Variants in CDYL2 observed in about 807,000 individuals in gnomAD.
The protein encoded by CDYL2 is chromodomain Y like 2, also known as chromodomain Y-like protein 2.
Under a neutral mutation model 49.4 loss-of-function variants are expected in CDYL2, and 23 were observed. The observed-to-expected ratio is 0.47, with a 90% confidence interval of 0.34 to 0.66. The LOEUF (loss-of-function observed/expected upper bound fraction) is 0.66. Among genes scored for constraint, CDYL2 ranks in the 30% least tolerant of loss-of-function variants. The pLI is 0.01. For synonymous variants in CDYL2, 360 were observed against 268.8 expected (o/e 1.34, Z -3.32); for missense variants, 678 against 656.4 (o/e 1.03, Z -0.36).
In CDYL2 at chr16:80,604,428, G is replaced by C. The variant is rs373690013; in HGVS notation, c.1481C>G (p.Ser494Cys). 3 of 1,614,240 alleles carry C rather than the reference G, an allele frequency of 1.9e-6. No individual in the cohort carries two copies. The highest frequency in any genetic ancestry group is 2.5e-6 in the Non-Finnish European group (3 of 1,180,054). ...QLWSSSKGLD[S>C]LFSYLQDKIY... ...TTTGTCCTGCAGGTAGCTGAAAAGG[G>C]AGTCAAGGCCTTTGGAGGAGCTCCA... Residue 494 changes from serine (S) to cysteine (C), a missense_variant, in exon 7 of 7, where the codon TCC becomes TGC. Ser to Cys is a moderately radical substitution (Grantham distance 112, BLOSUM62 -1). Transcript: ENST00000570137.
chr16:80,765,748 A>AAAAGGGAAT (rs1449016431), intron 1 of CDYL2, among the ~76,000 whole-genome samples: 1 of 149,756 alleles, frequency 6.7e-6, no homozygotes, highest in Admixed American at 6.6e-5. Flanking sequence ...AAAAAAAAAA[A>AAAAGGGAAT]AAAGGGAATG....
intron 1 of CDYL2, among the ~76,000 whole-genome samples, chr16:80,725,461 G>C (rs2142531407): frequency 6.6e-6 from 1 of 152,330 alleles, no homozygotes. Flanking sequence ...TATCTGTCCT[G>C]TTCACTGCTG....
chr16:80,729,990 G>A (rs1244934554), intron 1 of CDYL2, among the ~76,000 whole-genome samples: 1 of 152,036 alleles, frequency 6.6e-6, no homozygotes, highest in Non-Finnish European at 1.5e-5. Context: ...ATGCCCACAA[G>A]AGAAAGCAGG....
At chr16:80,608,302 G>C in intron 5 of CDYL2, 67 bp from the exon 6 acceptor site, 2 of 1,453,116 alleles carry the variant, frequency 1.4e-6, no homozygotes, top group African/African-American at 1.4e-5. Flanking sequence ...AGCTGGTCCA[G>C]GGCTTGCCAC....
In CDYL2 at chr16:80,678,772, A is replaced by C. The variant is rs973117136; in HGVS notation, c.616+5766T>G. Among the ~76,000 whole-genome samples the C allele has an allele frequency of 2.3e-4, 35 of 151,294 alleles. 1 individual carries two copies. Among genetic ancestry groups the C allele is most frequent in the African/African-American group, 8.3e-4 (34 of 40,858 alleles). ...CCATCCCATTACTGGGTATATACCCAAAGGACTATAAATCATGCTGCTATA... is the reference window on the plus strand; with the variant it reads ...CCATCCCATTACTGGGTATATACCCCAAGGACTATAAATCATGCTGCTATA... On this transcript the variant is annotated intron_variant, in intron 2 of 6. Coordinates refer to ENST00000570137, the MANE Select transcript of CDYL2 (RefSeq NM_152342.4).
At chr16:80,730,821 A>C (rs1047842481) in intron 1 of CDYL2, among the ~76,000 whole-genome samples, 5 of 152,242 alleles carry the variant, frequency 3.3e-5, no homozygotes, top group Admixed American at 2.0e-4. Context: ...GATGAATCTC[A>C]GAGTAATTAT....
At chr16:80,764,991 C>A (rs572030548) in intron 1 of CDYL2, among the ~76,000 whole-genome samples, 12 of 142,446 alleles carry the variant, frequency 8.4e-5, no homozygotes, top group Non-Finnish European at 1.8e-4. Flanking sequence ...ACCTGGGAGG[C>A]GGAGCTTGCA....
chr16:80,669,614 G>A (rs1909414524), intron 2 of CDYL2, among the ~76,000 whole-genome samples: 1 of 152,300 alleles, frequency 6.6e-6, no homozygotes, highest in South Asian at 2.1e-4. Flanking sequence ...TTGGGAGCTA[G>A]GACATCGAGA....
chr16:80,755,309 T>C (rs568171147), intron 1 of CDYL2, among the ~76,000 whole-genome samples: 1 of 152,274 alleles, frequency 6.6e-6, no homozygotes, highest in East Asian at 1.9e-4. Flanking sequence ...CTTGAATCCA[T>C]GTAAGGTGAA....
intron 1 of CDYL2, among the ~76,000 whole-genome samples, chr16:80,693,388 C>A (rs1366037971): frequency 6.6e-6 from 1 of 151,706 alleles, no homozygotes; most frequent in Admixed American, 6.6e-5. Flanking sequence ...GTCTATATTG[C>A]AAAAGAAATT....
chr16:80,663,963 T>C (rs1909154455), intron 2 of CDYL2, among the ~76,000 whole-genome samples: 1 of 152,136 alleles, frequency 6.6e-6, no homozygotes, highest in Admixed American at 6.6e-5. Flanking sequence ...AAAAGGAACT[T>C]TTTCTACAAA....
Position 80,699,699 on chromosome 16 carries a change from G to A in CDYL2, c.25-14570C>T, listed in dbSNP as rs146554663. Among the ~76,000 whole-genome samples, 168 of 152,250 alleles carry A rather than the reference G, an allele frequency of 1.1e-3. 1 individual carries two copies. The highest frequency in any genetic ancestry group is 3.5e-3 in the African/African-American group (147 of 41,552). ...TTCTCAACACAAAGAAATGACAAAT[G>A]TTTGAAGGGATGGATATGCTAATTA... On this transcript the variant is annotated intron_variant, in intron 1 of 6. Coordinates refer to ENST00000570137, the MANE Select transcript of CDYL2 (RefSeq NM_152342.4).
At position 80,673,479 on chromosome 16, in the gene CDYL2, C is replaced by T. The variant is rs567471954; in HGVS notation, c.616+11059G>A. On this transcript the variant is annotated intron_variant, in intron 2 of 6. Coordinates refer to ENST00000570137, the MANE Select transcript of CDYL2 (RefSeq NM_152342.4). ...AATAATCTACTTGATGTGGCTTTTGCTATTTCTTCTAGCATTGAAATAAGC... is the reference window on the plus strand; with the variant it reads ...AATAATCTACTTGATGTGGCTTTTGTTATTTCTTCTAGCATTGAAATAAGC... 9.1e-4 allele frequency among the ~76,000 whole-genome samples: 139 copies of T among 152,262 alleles called. 1 individual carries two copies. The highest frequency in any genetic ancestry group is 2.9e-3 in the African/African-American group (120 of 41,552).
chr16:80,767,098 C>T (rs1395802745), intron 1 of CDYL2, among the ~76,000 whole-genome samples: 1 of 152,142 alleles, frequency 6.6e-6, no homozygotes, highest in Non-Finnish European at 1.5e-5. Flanking sequence ...CATACACACA[C>T]ACACACCACA....
At chr16:80,652,289 T>G (rs957542362) in intron 2 of CDYL2, among the ~76,000 whole-genome samples, 3 of 152,104 alleles carry the variant, frequency 2.0e-5, no homozygotes, top group African/African-American at 7.2e-5. Context: ...AAAAAAAATC[T>G]GCTGCAATGA....
intron 1 of CDYL2, among the ~76,000 whole-genome samples, chr16:80,792,743 T>C (rs1404084459): frequency 3.9e-5 from 6 of 152,150 alleles, no homozygotes; most frequent in African/African-American, 1.4e-4. Flanking sequence ...AGGGTCGATG[T>C]GCCCATCCCC....
intron 1 of CDYL2, among the ~76,000 whole-genome samples, chr16:80,726,390 A>G (rs1391066915): frequency 6.6e-6 from 1 of 152,254 alleles, no homozygotes. Flanking sequence ...GTAATTTACT[A>G]TAACATTTTA....
intron 4 of CDYL2, among the ~76,000 whole-genome samples, chr16:80,613,375 C>T (rs1906687364): frequency 1.3e-5 from 2 of 152,172 alleles, no homozygotes; most frequent in African/African-American, 4.8e-5. Flanking sequence ...CTGGGTGATG[C>T]TGTAGAGGGA....
chr16:80,637,023 G>A (rs1297059685), intron 2 of CDYL2, among the ~76,000 whole-genome samples: 2 of 152,078 alleles, frequency 1.3e-5, no homozygotes, highest in African/African-American at 2.4e-5. Context: ...TGGATACAGG[G>A]AGAGGAACAT....
Sources: gnomAD v4.1 joint callset for allele counts (sites outside exome capture counted in the v4.1 genomes callset) on GRCh38, gnomAD v4.1.1 for gene constraint, MANE v1.5 for transcripts, NCBI Gene and HGNC (gene_info 2026-07-23, HGNC 2026-07-21) for gene names.